The following CCDC39 variants were observed in gnomAD, a reference collection of about 807,000 sequenced individuals.
The protein encoded by CCDC39 is coiled-coil domain-containing protein 39.
Under a neutral mutation model 121.0 loss-of-function variants are expected in CCDC39, and 113 were observed. The observed-to-expected ratio is 0.93, with a 90% CI of 0.80 to 1.09. The LOEUF is 1.09. Among genes scored for constraint, CCDC39 ranks in the 50% least tolerant of loss-of-function variants. The pLI is 0.00. For synonymous variants in CCDC39, 349 were observed against 352.2 expected (o/e 0.99, Z 0.10); for missense variants, 1,063 against 1,074.7 (o/e 0.99, Z 0.15).
At chr3:180,673,164 G>T (rs1226409497) in intron 1 of CCDC39, among the ~76,000 whole-genome samples, 1 of 152,188 alleles carries the variant, frequency 6.6e-6, no homozygotes, top group Non-Finnish European at 1.5e-5. Context: ...GAACATTGTT[G>T]AAATTACAAG....
At chr3:180,657,241 CT>C (rs1711604532) in intron 6 of CCDC39, among the ~76,000 whole-genome samples, 1 of 152,152 alleles carries the variant, frequency 6.6e-6, no homozygotes, top group Non-Finnish European at 1.5e-5. Context: ...TAGAAGCATC[CT>C]GCTGCCTAAC....
At position 180,659,561 on chromosome 3, in the gene CCDC39, G is replaced by A. The variant is rs751810474; in HGVS notation, c.629C>T (p.Ala210Val). ...ISAQLELDKA[A>V]QDFRKIHNER... ...ATTATGAATCTTACGAAAATCTTGT[G>A]CTGCTTTATCCAATTCTAACTGTCA... The change falls in exon 6 of 20, where the codon GCA becomes GTA. Residue 210 changes from alanine (A) to valine (V), a missense_variant. Ala to Val is a moderately conservative substitution (Grantham distance 64, BLOSUM62 0). Transcript: ENST00000476379. The A allele has an allele frequency of 2.5e-6, 4 of 1,612,920 alleles. No individual in the cohort carries two copies. The highest frequency in any genetic ancestry group is 2.5e-6 in the Non-Finnish European group (3 of 1,179,498).
chr3:180,642,201 C>G lies in CCDC39; in HGVS notation c.1666G>C (p.Asp556His). The change falls in exon 13 of 20, where the codon GAT becomes CAT. Residue 556 changes from aspartate (D) to histidine (H), a missense_variant and splice_region_variant. Asp to His is a moderately conservative substitution (Grantham distance 81). Transcript: ENST00000476379. ...ELDKAKGFKQ[D>H]LMIEDNLLKL... ...AAAAGATTGTCCTCTATCATCAAAT[C>G]CTATCAACGTAACAAAATGGTCAAA... 1 of 1,559,058 alleles carries G rather than the reference C, an allele frequency of 6.4e-7. No individual in the cohort carries two copies. Among genetic ancestry groups the G allele is most frequent in the Non-Finnish European group, 8.7e-7 (1 of 1,152,112 alleles).
chr3:180,620,739 G>T (rs1717411758), intron 14 of CCDC39, among the ~76,000 whole-genome samples: 1 of 151,994 alleles, frequency 6.6e-6, no homozygotes, highest in Non-Finnish European at 1.5e-5. Context: ...AAACCTGAAT[G>T]TAGTCAATTA....
intron 1 of CCDC39, among the ~76,000 whole-genome samples, chr3:180,672,880 T>C (rs1214752061): frequency 6.6e-6 from 1 of 152,204 alleles, no homozygotes; most frequent in East Asian, 1.9e-4. Context: ...TCATGATTCA[T>C]AAGAGAAGAC....
At chr3:180,633,460 A>G (rs1717747653) in intron 13 of CCDC39, among the ~76,000 whole-genome samples, 1 of 152,196 alleles carries the variant, frequency 6.6e-6, no homozygotes, top group South Asian at 2.1e-4. Context: ...GACTAATGAA[A>G]GAATAACAGT....
Position 180,660,671 on chromosome 3 carries a change from C to T in CCDC39, c.415G>A (p.Asp139Asn), listed in dbSNP as rs374858269. The stretch of plus-strand genomic sequence containing the variant: ...AACCAGGCCTCCAATGCTTGCTGGT[C>T]CCAGTTCATTTGACATTTCAAACCA... ...LDGLKCQMNW[D>N]QQALEAWLEE... The change falls in exon 4 of 20, where the codon GAC (aspartate) becomes AAC (asparagine). Residue 139 changes from aspartate to asparagine, a missense_variant. By Grantham distance (23) the Asp-to-Asn change is conservative (BLOSUM62 1). Transcript: ENST00000476379. 2 of 1,602,778 alleles carry T rather than the reference C, an allele frequency of 1.2e-6. No individual in the cohort carries two copies. The highest frequency in any genetic ancestry group is 1.3e-5 in the African/African-American group (1 of 74,778).
At chr3:180,627,178 T>C (rs1717583857) in intron 14 of CCDC39, among the ~76,000 whole-genome samples, 1 of 152,194 alleles carries the variant, frequency 6.6e-6, no homozygotes, top group Non-Finnish European at 1.5e-5. Flanking sequence ...TAGTAATATT[T>C]CCATTCTTAA....
chr3:180,631,708 T>G, intron 13 of CCDC39, 116 bp from the exon 14 acceptor site: 1 of 816,106 alleles, frequency 1.2e-6, no homozygotes, highest in South Asian at 1.7e-5. Flanking sequence ...CTCAAACAGG[T>G]TAAATTTGTT....
At chr3:180,638,289 G>A (rs1321795274) in intron 13 of CCDC39, among the ~76,000 whole-genome samples, 1 of 152,044 alleles carries the variant, frequency 6.6e-6, no homozygotes, top group Non-Finnish European at 1.5e-5. Context: ...AAACAACACT[G>A]TAATCTAGCA....
At chr3:180,628,269 G>A (rs1216155972) in intron 14 of CCDC39, among the ~76,000 whole-genome samples, 2 of 152,098 alleles carry the variant, frequency 1.3e-5, no homozygotes, top group African/African-American at 4.8e-5. Flanking sequence ...AGAGTGCAGT[G>A]GTGCAATCTT....
intron 16 of CCDC39, among the ~76,000 whole-genome samples, chr3:180,618,132 C>A (rs1717317178): frequency 6.6e-6 from 1 of 152,132 alleles, no homozygotes; most frequent in African/African-American, 2.4e-5. Flanking sequence ...TAGGCTATAC[C>A]ATCTAGGTTT....
chr3:180,616,609 C>T lies in CCDC39; in HGVS notation c.2493G>A (p.Met831Ile). 6.3e-7 allele frequency: 1 copy of T among 1,597,188 alleles called. No individual in the cohort carries two copies. Among genetic ancestry groups the T allele is most frequent in the East Asian group, 2.2e-5 (1 of 44,624 alleles). ...CATCAATAACTTTGTGAAACTGTTT[C>T]ATTTCACGAAGTTTGATGTCTTGTT... ...MEEQDIKLRE[M>I]KQFHKVIDEM... is the part of the protein sequence containing the mutation. The change falls in exon 18 of 20, where the codon ATG (methionine) becomes ATA (isoleucine). Residue 831 changes from methionine to isoleucine, a missense_variant. Coordinates refer to ENST00000476379, the MANE Select transcript of CCDC39 (RefSeq NM_181426.2).
chr3:180,622,089 T>G lies in CCDC39; in HGVS notation c.1999-2119A>C, dbSNP rs865949155. Among the ~76,000 whole-genome samples, 18 of 152,322 alleles carry G rather than the reference T, an allele frequency of 1.2e-4. No individual in the cohort carries two copies. The South Asian group carries it at 3.5e-3, about 30-fold the overall frequency. On this transcript the variant is annotated intron_variant, in intron 14 of 19. Coordinates refer to ENST00000476379, the MANE Select transcript of CCDC39 (RefSeq NM_181426.2). Reference sequence around the variant, plus strand: ...TTTTTACCTTTGTGTCATCTATAATTTCTTTCATCAGTGTTTTGTAGTTTT... The same window carrying G: ...TTTTTACCTTTGTGTCATCTATAATGTCTTTCATCAGTGTTTTGTAGTTTT...
chr3:180,614,562 C>A lies in CCDC39; in HGVS notation c.*359G>T. 1 of 196,074 alleles carries A rather than the reference C, an allele frequency of 5.1e-6. No individual in the cohort carries two copies. The highest frequency in any genetic ancestry group is 9.6e-5 in the South Asian group (1 of 10,382). 12.1% of individuals were successfully genotyped at this position (196,074 alleles called of 1,614,324 possible). On this transcript the variant is annotated 3_prime_UTR_variant, in exon 20 of 20. Coordinates refer to ENST00000476379, the MANE Select transcript of CCDC39 (RefSeq NM_181426.2). Reference sequence around the variant, plus strand: ...ACATTGCAATACGCTCATAATAGTACAGTAAATCTTTAGAAATTTCTTCTT... The same window carrying A: ...ACATTGCAATACGCTCATAATAGTAAAGTAAATCTTTAGAAATTTCTTCTT...
At chr3:180,661,331 A>G (rs1711737491) in intron 3 of CCDC39, among the ~76,000 whole-genome samples, 1 of 152,108 alleles carries the variant, frequency 6.6e-6, no homozygotes. Flanking sequence ...ATACACAAAG[A>G]TTACATTATA....
At chr3:180,672,221 G>A (rs183662657) in intron 1 of CCDC39, among the ~76,000 whole-genome samples, 2 of 152,250 alleles carry the variant, frequency 1.3e-5, no homozygotes, top group African/African-American at 4.8e-5. Context: ...AAGCCTGGAT[G>A]ACATGTCTGT....
chr3:180,625,898 CAG>C (rs995377415), intron 14 of CCDC39, among the ~76,000 whole-genome samples: 3 of 151,874 alleles, frequency 2.0e-5, no homozygotes, highest in African/African-American at 7.2e-5. Context: ...ATTCTCAGGC[CAG>C]AGAGTAGCTT....
In CCDC39 at chr3:180,616,649, T is replaced by A; in HGVS notation, c.2453A>T (p.Asp818Val). The change falls in exon 18 of 20, where the codon GAT becomes GTT. Residue 818 changes from aspartate (D) to valine (V), a missense_variant. By Grantham distance (152) the Asp-to-Val change is radical (BLOSUM62 -3). Coordinates refer to ENST00000476379, the MANE Select transcript of CCDC39 (RefSeq NM_181426.2). The stretch of plus-strand genomic sequence containing the variant: ...GATGTCTTGTTCTTCCATTGTTTCA[T>A]CTTTTGTGTCTTTCAAAAGACGGAT... ...KEIRLLKDTK[D>V]ETMEEQDIKL... 6.3e-7 allele frequency: 1 copy of A among 1,592,696 alleles called. No homozygotes were observed. The highest frequency in any genetic ancestry group is 8.6e-7 in the Non-Finnish European group (1 of 1,167,852).
Sources: gnomAD v4.1 joint callset for allele counts (sites outside exome capture counted in the v4.1 genomes callset) on GRCh38, gnomAD v4.1.1 for gene constraint, MANE v1.5 for transcripts, NCBI Gene and HGNC (gene_info 2026-07-23, HGNC 2026-07-21) for gene names.